The following REPS1 variants were observed in gnomAD, a reference collection of about 807,000 sequenced individuals.
The protein encoded by REPS1 is ralBP1-associated Eps domain-containing protein 1.
In REPS1, 39 loss-of-function variants were observed where a neutral mutation model predicts 100.9. That is an observed-to-expected ratio of 0.39 (90% CI 0.30 to 0.50). The LOEUF (loss-of-function observed/expected upper bound fraction) is 0.50. REPS1 is among the 20% of genes least tolerant of loss of function. The pLI is 0.86. For synonymous variants in REPS1, 324 were observed against 340.3 expected (o/e 0.95, Z 0.53); for missense variants, 821 against 968.5 (o/e 0.85, Z 2.02).
intron 1 of REPS1, among the ~76,000 whole-genome samples, chr6:138,956,716 AT>A (rs1464892095): frequency 2.6e-5 from 4 of 151,786 alleles, no homozygotes; most frequent in Non-Finnish European, 2.9e-5. Context: ...CAGTTTTTCT[AT>A]TGCCTCATCC....
chr6:138,970,078 T>C (rs142605694), intron 1 of REPS1, among the ~76,000 whole-genome samples: 1 of 152,214 alleles, frequency 6.6e-6, no homozygotes, highest in Non-Finnish European at 1.5e-5. Flanking sequence ...AAGAGTAGCA[T>C]ATAATTTATA....
chr6:138,929,772 A>G (rs1781370600), intron 9 of REPS1: 2 of 426,338 alleles, frequency 4.7e-6, no homozygotes, highest in East Asian at 7.6e-5. Flanking sequence ...TTTAATGGGG[A>G]TAAGTGGTGG....
intron 8 of REPS1, among the ~76,000 whole-genome samples, chr6:138,937,468 A>C (rs1233004266): frequency 6.6e-6 from 1 of 152,148 alleles, no homozygotes; most frequent in African/African-American, 2.4e-5. Flanking sequence ...ATTTATGTGG[A>C]TTTCTAGTAA....
chr6:138,912,780 A>G lies in REPS1; in HGVS notation c.1956T>C (p.His652=), dbSNP rs1780093336. 4 of 1,614,180 alleles carry G rather than the reference A, an allele frequency of 2.5e-6. No homozygotes were observed. The highest frequency in any genetic ancestry group is 2.5e-6 in the Non-Finnish European group (3 of 1,180,028). ...GAAAACTGACCGGCAGGACTTCTGGATGTTTCTCGGCTTCATCATCTTGTT... is the reference window on the plus strand; with the variant it reads ...GAAAACTGACCGGCAGGACTTCTGGGTGTTTCTCGGCTTCATCATCTTGTT... ...NDEQDDEAEK[H]PEVLPAEKAS... Residue 652 remains histidine (H), a synonymous_variant, in exon 16 of 20, where the codon CAT becomes CAC. Coordinates refer to ENST00000450536, the MANE Select transcript of REPS1 (RefSeq NM_001286611.2).
chr6:138,987,469 A>C, intron 1 of REPS1, 61 bp downstream of exon 1: 1 of 1,417,040 alleles, frequency 7.1e-7, no homozygotes, highest in Non-Finnish European at 9.3e-7. Flanking sequence ...GCCCACTCCC[A>C]CTCCTGGAGG....
At chr6:138,937,381 A>G (rs1781918085) in intron 8 of REPS1, among the ~76,000 whole-genome samples, 1 of 152,226 alleles carries the variant, frequency 6.6e-6, no homozygotes, top group Admixed American at 6.5e-5. Flanking sequence ...TTTTATATAT[A>G]TGTTAAAAAT....
At chr6:138,920,884 AG>A (rs1298461174) in intron 11 of REPS1, among the ~76,000 whole-genome samples, 152 bp downstream of exon 11, 1 of 152,254 alleles carries the variant, frequency 6.6e-6, no homozygotes, top group African/African-American at 2.4e-5. Context: ...TTTTAAAAAC[AG>A]CAACATAAAT....
In REPS1 at chr6:138,987,671, T is replaced by C; in HGVS notation, c.12A>G (p.Leu4=). Residue 4 remains leucine, a synonymous_variant, in exon 1 of 20, where the codon TTA becomes TTG. Coordinates refer to ENST00000450536, the MANE Select transcript of REPS1 (RefSeq NM_001286611.2). ...ATTTCTGCTCCGCATCGCTCAGCGT[T>C]AAGCCTTCCATCTTCGCCTCCGGCT... MEG[L]TLSDAEQKYY... is the part of the protein sequence containing the mutation. 1 of 1,544,258 alleles carries C rather than the reference T, an allele frequency of 6.5e-7. No individual in the cohort carries two copies. Among genetic ancestry groups the C allele is most frequent in the South Asian group, 1.2e-5 (1 of 83,402 alleles).
At position 138,945,649 on chromosome 6, in the gene REPS1, T is replaced by A; in HGVS notation, c.326A>T (p.Glu109Val). The change falls in exon 3 of 20, where the codon GAA (glutamate) becomes GTA (valine). Residue 109 changes from glutamate to valine, a missense_variant. By Grantham distance (121) the Glu-to-Val change is moderately radical. Coordinates refer to ENST00000450536, the MANE Select transcript of REPS1 (RefSeq NM_001286611.2). ...PRFVASKNEQESRHAASYSSD... is the reference protein window; with the variant it reads ...PRFVASKNEQVSRHAASYSSD... ...AGAATATGAGGCTGCATGGCGAGAT[T>A]CCTGTTCATTCTTTGAAGCAACAAA... 6.2e-7 allele frequency: 1 copy of A among 1,612,048 alleles called. No individual in the cohort carries two copies. The highest frequency in any genetic ancestry group is 8.5e-7 in the Non-Finnish European group (1 of 1,179,318).
chr6:138,943,167 A>G lies in REPS1; in HGVS notation c.980+346T>C, dbSNP rs73553111. Among the ~76,000 whole-genome samples, 695 of 152,352 alleles carry G rather than the reference A, an allele frequency of 4.6e-3. 7 individuals are homozygous for G. The highest frequency in any genetic ancestry group is 0.016 in the African/African-American group (652 of 41,586). On this transcript the variant is annotated intron_variant, in intron 7 of 19. Coordinates refer to ENST00000450536, the MANE Select transcript of REPS1 (RefSeq NM_001286611.2). The stretch of plus-strand genomic sequence containing the variant: ...TTAAATGGAAGCTAACACCATTCCT[A>G]AACTTATGGCATGGTATAGGACTTA...
intron 1 of REPS1, among the ~76,000 whole-genome samples, chr6:138,987,036 C>T (rs1785302527): frequency 6.6e-6 from 1 of 152,080 alleles, no homozygotes. Context: ...AAAAAATTTC[C>T]CTAAGAATTT....
chr6:138,927,175 T>C (rs1391517704), intron 9 of REPS1: 1 of 152,142 alleles, frequency 6.6e-6, no homozygotes, highest in African/African-American at 2.4e-5. Context: ...CCCCACTCCC[T>C]ACCCCATGCT....
chr6:138,952,440 C>G (rs1039230379), intron 1 of REPS1, among the ~76,000 whole-genome samples: 4 of 151,862 alleles, frequency 2.6e-5, no homozygotes, highest in Non-Finnish European at 4.4e-5. Flanking sequence ...GCTCTGTCAC[C>G]CAGAGCTGGA....
intron 8 of REPS1, chr6:138,934,116 T>C (rs980294286): frequency 8.1e-6 from 2 of 247,708 alleles, no homozygotes; most frequent in Non-Finnish European, 1.7e-5. Context: ...TGTACCTCCT[T>C]CAACTTTGCT....
intron 13 of REPS1, 36 bp downstream of exon 13, chr6:138,917,519 T>C (rs748258208): frequency 3.7e-5 from 54 of 1,474,540 alleles, no homozygotes; most frequent in Non-Finnish European, 4.9e-5. Context: ...CGCAGCAAGA[T>C]AGTTTAACAT....
intron 8 of REPS1, chr6:138,934,442 T>C (rs1277271217): frequency 4.7e-6 from 2 of 423,518 alleles, no homozygotes; most frequent in East Asian, 7.3e-5. Context: ...CCCAGTATGA[T>C]CACACTGACC....
intron 19 of REPS1, among the ~76,000 whole-genome samples, chr6:138,906,340 A>T (rs2128420688): frequency 6.6e-6 from 1 of 152,346 alleles, no homozygotes; most frequent in South Asian, 2.1e-4. Context: ...AACAGACATT[A>T]AAAAATGCCT....
At chr6:138,930,240 G>C in intron 8 of REPS1, 142 bp from the exon 9 acceptor site, 1 of 642,000 alleles carries the variant, frequency 1.6e-6, no homozygotes, top group Non-Finnish European at 2.6e-6. Flanking sequence ...CATGTTCTCA[G>C]AGTAAGCATT....
chr6:138,978,112 ATAAG>A (rs1784702562), intron 1 of REPS1, among the ~76,000 whole-genome samples: 2 of 142,976 alleles, frequency 1.4e-5, no homozygotes, highest in Admixed American at 6.9e-5. Context: ...TTTTTTCCTT[ATAAG>A]TGAGTTGTAA....
Sources: gnomAD v4.1 joint callset for allele counts (sites outside exome capture counted in the v4.1 genomes callset) on GRCh38, gnomAD v4.1.1 for gene constraint, MANE v1.5 for transcripts, NCBI Gene and HGNC (gene_info 2026-07-23, HGNC 2026-07-21) for gene names.